The following TRABD2B variants were observed in gnomAD, a reference collection of about 807,000 sequenced individuals.
The protein encoded by TRABD2B is metalloprotease TIKI2.
Under a neutral mutation model 40.1 loss-of-function variants are expected in TRABD2B, and 14 were observed. The ratio of observed to expected loss-of-function variants is 0.35; its 90% confidence interval spans 0.23 to 0.55. The LOEUF is 0.55. TRABD2B is among the 20% of genes least tolerant of loss of function. The pLI is 0.90. For synonymous variants in TRABD2B, 263 were observed against 277.0 expected (o/e 0.95, Z 0.50); for missense variants, 541 against 648.6 (o/e 0.83, Z 1.80).
intron 2 of TRABD2B, among the ~76,000 whole-genome samples, chr1:47,873,998 A>G (rs1184540805): frequency 1.3e-5 from 2 of 152,186 alleles, no homozygotes; most frequent in Non-Finnish European, 2.9e-5. Context: ...CTTGCCTCAA[A>G]GCTAACCATG....
intron 6 of TRABD2B, among the ~76,000 whole-genome samples, chr1:47,772,811 G>A (rs967932307): frequency 6.6e-6 from 1 of 152,130 alleles, no homozygotes; most frequent in Non-Finnish European, 1.5e-5. Flanking sequence ...GGAGCTCAGG[G>A]CCTGCTCCCC....
intron 2 of TRABD2B, among the ~76,000 whole-genome samples, chr1:47,834,430 C>T (rs1471219994): frequency 3.9e-5 from 6 of 152,170 alleles, no homozygotes; most frequent in Admixed American, 2.6e-4. Context: ...ATGCCCAGAG[C>T]TATGTACATG....
chr1:47,967,248 G>T lies in TRABD2B; in HGVS notation c.666+26786C>A, dbSNP rs1042636652. Among the ~76,000 whole-genome samples, 42 of 151,924 alleles carry T rather than the reference G, an allele frequency of 2.8e-4. 1 individual carries two copies. The highest frequency in any genetic ancestry group is 9.9e-4 in the African/African-American group (41 of 41,314). On this transcript the variant is annotated intron_variant, in intron 2 of 6. Transcript: ENST00000606738. ...GGCCATAAAAAACACATTAGATCCT[G>T]GTGCTTAGAGACAGCCCTTCAGAAA...
In TRABD2B at chr1:47,762,266, G is replaced by C. The variant is rs1048549070; in HGVS notation, c.*3636C>G. ...GAGACGTGGCTGGTCAGCAGGGTTG[G>C]GTCACGAAGGGTCTAGCGGACACTT... On this transcript the variant is annotated 3_prime_UTR_variant, in exon 7 of 7. Coordinates refer to ENST00000606738, the MANE Select transcript of TRABD2B (RefSeq NM_001194986.2). 6.6e-6 allele frequency: 1 copy of C among 152,180 alleles called. No homozygotes were observed. Among genetic ancestry groups the C allele is most frequent in the African/African-American group, 2.4e-5 (1 of 41,414 alleles). The allele number at this position is 152,180 out of a possible 1,614,324, so 9.4% of individuals were successfully genotyped here.
At chr1:47,779,121 G>A (rs914235903) in intron 4 of TRABD2B, among the ~76,000 whole-genome samples, 4 of 152,186 alleles carry the variant, frequency 2.6e-5, no homozygotes, top group Admixed American at 2.0e-4. Context: ...GAGCAGAGAT[G>A]GCATCTCCAC....
chr1:47,902,793 A>G (rs530655550), intron 2 of TRABD2B, among the ~76,000 whole-genome samples: 8 of 152,256 alleles, frequency 5.3e-5, no homozygotes, highest in South Asian at 2.1e-4. Context: ...CGGCTTGATG[A>G]TGGACATTCT....
At chr1:47,784,318 C>T (rs1298395387) in intron 4 of TRABD2B, among the ~76,000 whole-genome samples, 3 of 152,182 alleles carry the variant, frequency 2.0e-5, no homozygotes, top group East Asian at 3.8e-4. Flanking sequence ...CAGAAACATG[C>T]GTCCCTTCCA....
chr1:47,766,346 C>A (rs1485625060), intron 6 of TRABD2B, among the ~76,000 whole-genome samples: 4 of 152,298 alleles, frequency 2.6e-5, no homozygotes, highest in Admixed American at 2.6e-4. Flanking sequence ...CTGGCAGCCA[C>A]AGGTTGTCAC....
At chr1:47,773,097 C>T (rs1425902440) in intron 6 of TRABD2B, among the ~76,000 whole-genome samples, 1 of 152,230 alleles carries the variant, frequency 6.6e-6, no homozygotes, top group Non-Finnish European at 1.5e-5. Flanking sequence ...CTGGAGCTGA[C>T]AGCCCAGCTT....
intron 2 of TRABD2B, among the ~76,000 whole-genome samples, chr1:47,983,361 A>G (rs912893880): frequency 6.6e-6 from 1 of 152,198 alleles, no homozygotes; most frequent in East Asian, 1.9e-4. Flanking sequence ...GGAGAGAAGC[A>G]GAAAAGCTAA....
intron 4 of TRABD2B, among the ~76,000 whole-genome samples, chr1:47,791,647 C>T (rs1644674692): frequency 1.3e-5 from 2 of 152,168 alleles, no homozygotes; most frequent in South Asian, 4.1e-4. Context: ...GCGGGTATGT[C>T]TTCAGGTCTC....
intron 2 of TRABD2B, among the ~76,000 whole-genome samples, chr1:47,978,619 G>A (rs1467261188): frequency 6.6e-6 from 1 of 152,192 alleles, no homozygotes; most frequent in Non-Finnish European, 1.5e-5. Context: ...GAGACAGAGA[G>A]TGTGTGTTCC....
intron 2 of TRABD2B, among the ~76,000 whole-genome samples, chr1:47,891,965 T>TA (rs1240743851): frequency 6.6e-6 from 1 of 152,200 alleles, no homozygotes; most frequent in Non-Finnish European, 1.5e-5. Flanking sequence ...CAGAGGCTCT[T>TA]AGGCCACATT....
chr1:47,773,743 T>C (rs1644407277), intron 6 of TRABD2B, among the ~76,000 whole-genome samples: 1 of 152,230 alleles, frequency 6.6e-6, no homozygotes, highest in South Asian at 2.1e-4. Context: ...ATGTCTTTAT[T>C]AGCAGCATGA....
intron 2 of TRABD2B, among the ~76,000 whole-genome samples, chr1:47,927,099 G>C (rs1644980227): frequency 1.3e-5 from 2 of 152,194 alleles, no homozygotes. Context: ...GGAGGGTCTA[G>C]CAGGACTAAG....
At chr1:47,933,359 G>A (rs562393656) in intron 2 of TRABD2B, among the ~76,000 whole-genome samples, 3 of 151,784 alleles carry the variant, frequency 2.0e-5, no homozygotes, top group Admixed American at 6.6e-5. Context: ...TGATCCACCC[G>A]CCTCAGCCTC....
At chr1:47,845,759 T>C (rs1570110079) in intron 2 of TRABD2B, among the ~76,000 whole-genome samples, 1 of 152,250 alleles carries the variant, frequency 6.6e-6, no homozygotes, top group South Asian at 2.1e-4. Context: ...TGAGAGATTA[T>C]TTTTGTATAA....
At chr1:47,785,863 C>G (rs1363626948) in intron 4 of TRABD2B, among the ~76,000 whole-genome samples, 1 of 152,216 alleles carries the variant, frequency 6.6e-6, no homozygotes. Flanking sequence ...AGGGACAGGG[C>G]CCCACGCCTC....
At chr1:47,972,610 G>A (rs945567497) in intron 2 of TRABD2B, among the ~76,000 whole-genome samples, 1 of 152,188 alleles carries the variant, frequency 6.6e-6, no homozygotes, top group African/African-American at 2.4e-5. Flanking sequence ...ACCCGAACAT[G>A]CTGGCTTCCT....
Sources: gnomAD v4.1 joint callset for allele counts (sites outside exome capture counted in the v4.1 genomes callset) on GRCh38, gnomAD v4.1.1 for gene constraint, MANE v1.5 for transcripts, NCBI Gene and HGNC (gene_info 2026-07-23, HGNC 2026-07-21) for gene names.